PCDHGB7: variants seen among roughly 807,000 people sequenced by gnomAD.
The protein encoded by PCDHGB7 is protocadherin gamma-B7.
In PCDHGB7, 37 loss-of-function variants were observed where a neutral mutation model predicts 61.4. The ratio of observed to expected loss-of-function variants is 0.60; its 90% CI spans 0.46 to 0.79. PCDHGB7 has a LOEUF of 0.79. Ranked by LOEUF, PCDHGB7 falls within the 30% of genes least tolerant of loss-of-function variation. PCDHGB7 has a pLI of 0.00. For synonymous variants in PCDHGB7, 464 were observed against 503.5 expected (o/e 0.92, Z 1.05); for missense variants, 1,166 against 1,202.5 (o/e 0.97, Z 0.45).
chr5:141,431,673 G>A lies in PCDHGB7; in HGVS notation c.2415+11399G>A. On this transcript the variant is annotated intron_variant, in intron 1 of 3. Coordinates refer to ENST00000398594, the MANE Select transcript of PCDHGB7 (RefSeq NM_018927.4). The surrounding 1 kb of genome is among the most constrained non-coding windows in gnomAD (Gnocchi z 4.8). ...AATTCAGGGACAATATCAACAATAG[G>A]GGAGTTGGACCACGAGGAGTCAGGA... 1 of 1,614,214 alleles carries A rather than the reference G, an allele frequency of 6.2e-7. No homozygotes were observed. The highest frequency in any genetic ancestry group is 8.5e-7 in the Non-Finnish European group (1 of 1,180,044).
intron 1 of PCDHGB7, chr5:141,479,198 GA>G (rs1288699377): frequency 6.6e-6 from 1 of 152,304 alleles, no homozygotes; most frequent in African/African-American, 2.4e-5. Context: ...AGAAAATACA[GA>G]AAAGTATTTA....
intron 1 of PCDHGB7, among the ~76,000 whole-genome samples, chr5:141,454,829 A>T (rs2098803417): frequency 1.4e-5 from 1 of 70,192 alleles, no homozygotes. Context: ...TTTTTTTGAG[A>T]CAGAGTCGCG....
In PCDHGB7 at chr5:141,432,358, G is replaced by A. The variant is rs750696244; in HGVS notation, c.2415+12084G>A. ...TCCGAGACTTGCAAGTGAAAGTGAT[G>A]GCGCGGGACAACGGGCACCCGCCCC... On this transcript the variant is annotated intron_variant, in intron 1 of 3. Transcript: ENST00000398594. This position sits in a 1 kb window ranked among gnomAD's most constrained non-coding sequence, Gnocchi z 6.0. The A allele has an allele frequency of 6.2e-7, 1 of 1,614,122 alleles. No homozygotes were observed. The highest frequency in any genetic ancestry group is 8.5e-7 in the Non-Finnish European group (1 of 1,180,060).
At chr5:141,427,156 T>G (rs533425641) in intron 1 of PCDHGB7, 10 of 456,890 alleles carry the variant, frequency 2.2e-5, no homozygotes, top group African/African-American at 2.0e-4. Flanking sequence ...AATATGTTTG[T>G]GCTAGACCAT....
chr5:141,426,817 C>G (rs942714141), intron 1 of PCDHGB7: 4 of 456,594 alleles, frequency 8.8e-6, no homozygotes, highest in Non-Finnish European at 1.8e-5. Flanking sequence ...GAACATTTCT[C>G]TCTGATGATG....
At chr5:141,421,930 G>A (rs780569992) in intron 1 of PCDHGB7, 1 of 1,613,480 alleles carries the variant, frequency 6.2e-7, no homozygotes, top group Non-Finnish European at 8.5e-7. Flanking sequence ...GGTGGTCCTC[G>A]ATGTAAATGA....
chr5:141,433,850 A>C (rs899643386), intron 1 of PCDHGB7, among the ~76,000 whole-genome samples: 2 of 151,896 alleles, frequency 1.3e-5, no homozygotes, highest in East Asian at 3.9e-4. Flanking sequence ...AAAAAAAAAA[A>C]AAAAACTTTA....
At chr5:141,435,024 C>T (rs1263332887) in intron 1 of PCDHGB7, among the ~76,000 whole-genome samples, 3 of 151,970 alleles carry the variant, frequency 2.0e-5, no homozygotes, top group Non-Finnish European at 4.4e-5. Context: ...ATGCTCTTTT[C>T]CCACTTTTAT....
chr5:141,497,003 A>C (rs928317358), intron 2 of PCDHGB7, among the ~76,000 whole-genome samples: 2 of 152,148 alleles, frequency 1.3e-5, no homozygotes, highest in African/African-American at 4.8e-5. Context: ...CTGGCAGCCA[A>C]CATGGTGAAA....
intron 1 of PCDHGB7, among the ~76,000 whole-genome samples, chr5:141,473,107 C>A (rs2099314182): frequency 6.6e-6 from 1 of 152,134 alleles, no homozygotes; most frequent in Admixed American, 6.5e-5. Flanking sequence ...TATTACCACA[C>A]TTTACTTGGC....
At position 141,419,715 on chromosome 5, in the gene PCDHGB7, T is replaced by C; in HGVS notation, c.1856T>C (p.Leu619Pro). 6.2e-7 allele frequency: 1 copy of C among 1,613,288 alleles called. No homozygotes were observed. Reference sequence around the variant, plus strand: ...GCCAGTGAGCCCGGGCTCTTCAGCCTGGGGCTGCGAACAGGCGAGGTGCGC... The same window carrying C: ...GCCAGTGAGCCCGGGCTCTTCAGCCCGGGGCTGCGAACAGGCGAGGTGCGC... ...VQASEPGLFS[L>P]GLRTGEVRMV... is the part of the protein sequence containing the mutation. Residue 619 changes from leucine (L) to proline (P), a missense_variant, in exon 1 of 4, where the codon CTG becomes CCG. Leu to Pro is a moderately conservative substitution (Grantham distance 98, BLOSUM62 -3). Transcript: ENST00000398594.
At chr5:141,497,969 C>T (rs1595499086) in intron 2 of PCDHGB7, among the ~76,000 whole-genome samples, 1 of 152,160 alleles carries the variant, frequency 6.6e-6, no homozygotes. Flanking sequence ...GCAGTGTTCT[C>T]GATGTGGGAG....
chr5:141,481,352 C>T (rs1007066307), intron 1 of PCDHGB7, among the ~76,000 whole-genome samples: 3 of 152,222 alleles, frequency 2.0e-5, no homozygotes, highest in East Asian at 1.9e-4. Flanking sequence ...TAAACATCTA[C>T]AGCTGTTCAA....
At chr5:141,483,919 G>T (rs912152955) in intron 1 of PCDHGB7, among the ~76,000 whole-genome samples, 2 of 151,008 alleles carry the variant, frequency 1.3e-5, no homozygotes, top group South Asian at 2.1e-4. Flanking sequence ...CACTCAGATT[G>T]CAGGTCGTAG....
chr5:141,478,826 G>A, intron 1 of PCDHGB7: 2 of 1,439,244 alleles, frequency 1.4e-6, no homozygotes, highest in Non-Finnish European at 1.8e-6. Context: ...AACCAATCTT[G>A]CTAAGGGATG....
chr5:141,472,454 C>T (rs538141635), intron 1 of PCDHGB7, among the ~76,000 whole-genome samples: 3 of 151,192 alleles, frequency 2.0e-5, no homozygotes, highest in South Asian at 4.2e-4. Context: ...GCAGGAGAAT[C>T]GCTTGAACCC....
rs2233612 is a variant in PCDHGB7 at position 141,511,014 on chromosome 5, A to G, written c.2631A>G (p.Gly877=). 8.6e-4 allele frequency: 1,386 copies of G among 1,614,082 alleles called. 14 individuals are homozygous for G. The African/African-American group carries it at 0.017, about 20-fold the overall frequency. The change falls in exon 4 of 4, where the codon GGA becomes GGG. Residue 877 remains glycine, a synonymous_variant. Coordinates refer to ENST00000398594, the MANE Select transcript of PCDHGB7 (RefSeq NM_018927.4). ...AGTMGLSARY[G]PQFTLQHVPD... ...CCATGGGATTGAGCGCCCGCTACGG[A>G]CCCCAGTTCACCCTGCAGCACGTGC...
chr5:141,490,561 A>G lies in PCDHGB7; in HGVS notation c.2416-4246A>G. On this transcript the variant is annotated intron_variant, in intron 1 of 3. Coordinates refer to ENST00000398594, the MANE Select transcript of PCDHGB7 (RefSeq NM_018927.4). This position sits in a 1 kb window ranked among gnomAD's most constrained non-coding sequence, Gnocchi z 5.4. Reference sequence around the variant, plus strand: ...TTCCCTACACAAACATCTCACCATCAGGCTCAACATTTCAGATGTCAATGA... The same window carrying G: ...TTCCCTACACAAACATCTCACCATCGGGCTCAACATTTCAGATGTCAATGA... 6.2e-7 allele frequency: 1 copy of G among 1,614,090 alleles called. No individual in the cohort carries two copies. The highest frequency in any genetic ancestry group is 8.5e-7 in the Non-Finnish European group (1 of 1,180,004).
rs1357901633 is a variant in PCDHGB7, at chr5:141,476,594, C to G, written c.2416-18213C>G. On this transcript the variant is annotated intron_variant, in intron 1 of 3. Transcript: ENST00000398594. This position sits in a 1 kb window ranked among gnomAD's most constrained non-coding sequence, Gnocchi z 7.6. ...GACGCGCTTTCCGCTCGAGAGCGCG[C>G]ACGATCCCGATGTGGGAAGCAACTC... The G allele has an allele frequency of 3.7e-6, 6 of 1,614,242 alleles. No homozygotes were observed. The highest frequency in any genetic ancestry group is 4.2e-6 in the Non-Finnish European group (5 of 1,180,040).
Sources: allele counts gnomAD v4.1 joint callset (sites outside exome capture counted in the v4.1 genomes callset), GRCh38; gene constraint gnomAD v4.1.1; non-coding constraint Gnocchi (gnomAD v3.1); transcripts MANE v1.5; gene names NCBI Gene and HGNC (gene_info 2026-07-23, HGNC 2026-07-21).